The following ARID3B variants were observed in gnomAD, a reference collection of about 807,000 sequenced individuals.
The protein encoded by ARID3B is AT-rich interactive domain-containing protein 3B.
A neutral mutation model predicts 51.9 loss-of-function variants in ARID3B; 10 were observed. The ratio of observed to expected loss-of-function variants is 0.19; its 90% CI spans 0.12 to 0.33. The LOEUF (loss-of-function observed/expected upper bound fraction) is 0.33. ARID3B is among the 10% of genes least tolerant of loss of function. ARID3B has a pLI of 1.00. For synonymous variants in ARID3B, 205 were observed against 279.5 expected (o/e 0.73, Z 2.66); for missense variants, 483 against 716.3 (o/e 0.67, Z 3.72).
At chr15:74,558,528 T>C (rs1370605859) in intron 2 of ARID3B, among the ~76,000 whole-genome samples, 1 of 152,116 alleles carries the variant, frequency 6.6e-6, no homozygotes, top group African/African-American at 2.4e-5. Flanking sequence ...TTGGAATTGC[T>C]AAAACTCATT....
intron 2 of ARID3B, among the ~76,000 whole-genome samples, 175 bp downstream of exon 2, chr15:74,544,663 A>C (rs1596248165): frequency 6.8e-6 from 1 of 147,472 alleles, no homozygotes; most frequent in Non-Finnish European, 1.5e-5. Context: ...TATTTTCTTC[A>C]TTAAAGCAAT....
intron 2 of ARID3B, among the ~76,000 whole-genome samples, chr15:74,547,296 T>TA (rs1299313799): frequency 1.3e-5 from 2 of 152,146 alleles, no homozygotes; most frequent in Non-Finnish European, 2.9e-5. Context: ...GCAGCTGAGA[T>TA]TACAGGCATA....
At chr15:74,542,233 C>T (rs950416591) in intron 1 of ARID3B, among the ~76,000 whole-genome samples, 26 of 152,110 alleles carry the variant, frequency 1.7e-4, no homozygotes, top group Non-Finnish European at 1.9e-4. Context: ...TTTCTTTGAC[C>T]CAAATTGTTT....
chr15:74,595,483 AC>A lies in ARID3B; in HGVS notation c.1520-123del. On this transcript the variant is annotated intron_variant, in intron 8 of 8. Transcript: ENST00000346246. The stretch of plus-strand genomic sequence containing the variant: ...GACAGCATTTGGATCTTCTCCCATC[AC>A]CCCCTAGCACAGTGTCTACAGCGGA... 11 of 1,031,738 alleles carry A rather than the reference AC, an allele frequency of 1.1e-5. No homozygotes were observed. In the South Asian group the frequency reaches 1.9e-4, roughly 17 times the overall value. 63.9% of individuals were successfully genotyped at this position (1,031,738 alleles called of 1,614,324 possible).
At chr15:74,579,881 G>GCA (rs1567124250) in intron 4 of ARID3B, among the ~76,000 whole-genome samples, 1 of 151,228 alleles carries the variant, frequency 6.6e-6, no homozygotes, top group African/African-American at 2.4e-5. Flanking sequence ...GTGCGCGCGC[G>GCA]CGCACACGCA....
intron 2 of ARID3B, among the ~76,000 whole-genome samples, chr15:74,560,225 C>T (rs1005201399): frequency 2.6e-5 from 4 of 150,962 alleles, no homozygotes; most frequent in Non-Finnish European, 5.9e-5. Flanking sequence ...AATTTATATA[C>T]AATTTTGTGC....
intron 4 of ARID3B, among the ~76,000 whole-genome samples, chr15:74,578,421 C>T (rs1459670961): frequency 2.0e-5 from 3 of 152,074 alleles, no homozygotes; most frequent in Non-Finnish European, 4.4e-5. Context: ...GTAATCCGCC[C>T]GCGTCGGCCT....
intron 2 of ARID3B, among the ~76,000 whole-genome samples, chr15:74,553,312 A>G (rs772066370): frequency 3.0e-4 from 45 of 152,194 alleles, no homozygotes; most frequent in Non-Finnish European, 8.8e-5. Flanking sequence ...TCAGTTTTAC[A>G]TGTACTCATT....
intron 2 of ARID3B, among the ~76,000 whole-genome samples, chr15:74,547,585 C>G (rs1397858994): frequency 6.6e-6 from 1 of 152,176 alleles, no homozygotes; most frequent in Admixed American, 6.5e-5. Context: ...CTGTATGAAA[C>G]AAGGCATGTT....
intron 2 of ARID3B, among the ~76,000 whole-genome samples, chr15:74,571,418 A>G (rs1567121676): frequency 6.6e-6 from 1 of 152,188 alleles, no homozygotes; most frequent in Admixed American, 6.5e-5. Flanking sequence ...CATGGTACGC[A>G]TGCACCTGTG....
At chr15:74,550,596 A>G (rs2061633076) in intron 2 of ARID3B, among the ~76,000 whole-genome samples, 1 of 151,244 alleles carries the variant, frequency 6.6e-6, no homozygotes, top group Non-Finnish European at 1.5e-5. Context: ...GTCCCAAGCT[A>G]CTCCGGAGGC....
At position 74,544,321 on chromosome 15, in the gene ARID3B, C is replaced by T. The variant is rs550927259; in HGVS notation, c.385C>T (p.Arg129Cys). ...SKYFHVQKVA[R>C]QDPRVAPMSN... ...ATATTTTCATGTGCAGAAAGTAGCT[C>T]GCCAAGATCCCAGAGTGGCACCCAT... The change falls in exon 2 of 9, where the codon CGC becomes TGC. Residue 129 changes from arginine to cysteine, a missense_variant. By Grantham distance (180) the Arg-to-Cys change is radical (BLOSUM62 -3). Coordinates refer to ENST00000346246, the MANE Select transcript of ARID3B (RefSeq NM_006465.4). 42 of 1,611,820 alleles carry T rather than the reference C, an allele frequency of 2.6e-5. No homozygotes were observed. Among genetic ancestry groups the T allele is most frequent in the East Asian group, 6.7e-5 (3 of 44,870 alleles).
At chr15:74,567,549 C>T (rs2061703983) in intron 2 of ARID3B, among the ~76,000 whole-genome samples, 1 of 151,938 alleles carries the variant, frequency 6.6e-6, no homozygotes, top group South Asian at 2.1e-4. Flanking sequence ...CTTCTCAGGA[C>T]AGAAAGGGCC....
At chr15:74,577,702 T>TTG (rs908052757) in intron 4 of ARID3B, among the ~76,000 whole-genome samples, 22 of 151,564 alleles carry the variant, frequency 1.5e-4, no homozygotes, top group East Asian at 3.9e-4. Context: ...TTCTGTTTTT[T>TTG]TGTGTGTGTG....
At chr15:74,543,807 T>G in intron 1 of ARID3B, 53 bp from the exon 2 acceptor site, 1 of 1,254,866 alleles carries the variant, frequency 8.0e-7, no homozygotes, top group South Asian at 1.5e-5. Flanking sequence ...TATACCTGCT[T>G]AACATGGTTG....
intron 4 of ARID3B, among the ~76,000 whole-genome samples, chr15:74,588,263 G>T (rs1208745329): frequency 6.6e-6 from 1 of 151,672 alleles, no homozygotes; most frequent in African/African-American, 2.4e-5. Context: ...AGAAGAAGAG[G>T]CCTGGTCCTG....
At chr15:74,556,532 A>G (rs1239001003) in intron 2 of ARID3B, among the ~76,000 whole-genome samples, 3 of 152,228 alleles carry the variant, frequency 2.0e-5, no homozygotes, top group Admixed American at 6.5e-5. Flanking sequence ...TGTGCTTTCA[A>G]ACATTGGTAC....
chr15:74,574,345 A>C (rs1392697993), intron 4 of ARID3B: 1 of 152,288 alleles, frequency 6.6e-6, no homozygotes, highest in Non-Finnish European at 1.5e-5. Context: ...GCCTGCTCCC[A>C]GCATCCTGTT....
chr15:74,562,180 C>T (rs1331878275), intron 2 of ARID3B, among the ~76,000 whole-genome samples: 2 of 151,836 alleles, frequency 1.3e-5, no homozygotes, highest in Non-Finnish European at 2.9e-5. Flanking sequence ...CTTGCCCTGT[C>T]GCCCAGGCTG....
Sources: allele counts gnomAD v4.1 joint callset (sites outside exome capture counted in the v4.1 genomes callset), GRCh38; gene constraint gnomAD v4.1.1; transcripts MANE v1.5; gene names NCBI Gene and HGNC (gene_info 2026-07-23, HGNC 2026-07-21).